The following CTSO variants were observed in gnomAD, a reference collection of about 807,000 sequenced individuals.
CTSO encodes the protein cathepsin O.
Under a neutral mutation model 42.4 loss-of-function variants are expected in CTSO, and 40 were observed. The observed-to-expected ratio is 0.94, with a 90% CI of 0.73 to 1.23. CTSO has a LOEUF of 1.23. CTSO is among the 50% of genes most tolerant of loss of function. The pLI is 0.00. For synonymous variants in CTSO, 156 were observed against 146.2 expected (o/e 1.07, Z -0.48); for missense variants, 441 against 396.0 (o/e 1.11, Z -0.96).
intron 5 of CTSO, among the ~76,000 whole-genome samples, chr4:155,932,515 C>T (rs768867032): frequency 6.6e-6 from 1 of 152,172 alleles, no homozygotes; most frequent in Non-Finnish European, 1.5e-5. Context: ...GCACACTCAC[C>T]CAACTTGCAA....
At chr4:155,928,308 A>G in intron 7 of CTSO, 28 bp downstream of exon 7, 1 of 1,472,022 alleles carries the variant, frequency 6.8e-7, no homozygotes, top group Non-Finnish European at 9.5e-7. Context: ...ATTTATATTG[A>G]GGTTTTAAAC....
intron 5 of CTSO, among the ~76,000 whole-genome samples, chr4:155,931,076 ATT>A (rs1743226473): frequency 6.6e-6 from 1 of 152,172 alleles, no homozygotes; most frequent in African/African-American, 2.4e-5. Context: ...CAAGACATAA[ATT>A]ATGTAGCATG....
rs745839163 is a variant in CTSO at position 155,929,729 on chromosome 4, T to A, written c.675-24A>T. 4.4e-6 allele frequency: 7 copies of A among 1,586,892 alleles called. No homozygotes were observed. In the African/African-American group the frequency reaches 5.4e-5, roughly 12 times the overall value. On this transcript the variant is annotated intron_variant, in intron 5 of 7. Transcript: ENST00000433477. Reference sequence around the variant, plus strand: ...CACTACCAAAAGAGGAAATATTTGGTTAGAAAATTTAGTTTTTAAGGTAAA... The same window carrying A: ...CACTACCAAAAGAGGAAATATTTGGATAGAAAATTTAGTTTTTAAGGTAAA...
intron 4 of CTSO, among the ~76,000 whole-genome samples, chr4:155,938,824 T>A (rs1456207242): frequency 6.6e-6 from 1 of 151,924 alleles, no homozygotes; most frequent in African/African-American, 2.4e-5. Flanking sequence ...AGTGTGGTGG[T>A]GGGCACCTAT....
At chr4:155,932,159 C>T (rs76223435) in intron 5 of CTSO, among the ~76,000 whole-genome samples, 2 of 152,218 alleles carry the variant, frequency 1.3e-5, no homozygotes, top group African/African-American at 2.4e-5. Flanking sequence ...TGGGAATGGT[C>T]ATTTTGCTTT....
intron 1 of CTSO, among the ~76,000 whole-genome samples, chr4:155,953,169 A>T (rs957098336): frequency 1.3e-5 from 2 of 151,972 alleles, no homozygotes; most frequent in African/African-American, 4.8e-5. Context: ...AAGAACTTTT[A>T]AAGTGGTGCG....
At chr4:155,938,708 C>G (rs1021612555) in intron 4 of CTSO, among the ~76,000 whole-genome samples, 2 of 152,096 alleles carry the variant, frequency 1.3e-5, no homozygotes, top group African/African-American at 2.4e-5. Flanking sequence ...GGGTGGATCA[C>G]AAGGTCAGGA....
At chr4:155,936,582 C>A (rs1743335513) in intron 5 of CTSO, among the ~76,000 whole-genome samples, 1 of 152,164 alleles carries the variant, frequency 6.6e-6, no homozygotes. Context: ...GTCCTTTTCA[C>A]CCATGAACAC....
At chr4:155,937,780 AATTTTTTGT>A (rs1214416771) in intron 4 of CTSO, among the ~76,000 whole-genome samples, 1 of 151,824 alleles carries the variant, frequency 6.6e-6, no homozygotes, top group Non-Finnish European at 1.5e-5. Context: ...ACGCCAGGCT[AATTTTTTGT>A]ATTTTTTGTA....
chr4:155,943,437 A>G lies in CTSO; in HGVS notation c.136-173T>C, dbSNP rs543660209. Among the ~76,000 whole-genome samples the G allele has an allele frequency of 2.6e-5, 4 of 152,322 alleles. No individual in the cohort carries two copies. The East Asian group carries it at 7.7e-4, about 29-fold the overall frequency. ...AGGAGATTCATAAATATTTTCTATT[A>G]GAATTATTATCTAATTGCAGACATT... On this transcript the variant is annotated intron_variant, in intron 1 of 7. Transcript: ENST00000433477.
chr4:155,949,993 A>G (rs1743617551), intron 1 of CTSO, among the ~76,000 whole-genome samples: 1 of 74,170 alleles, frequency 1.3e-5, no homozygotes, highest in Non-Finnish European at 3.0e-5. Flanking sequence ...GGATTAGAAC[A>G]ATAAAAGCTT....
intron 5 of CTSO, 117 bp from the exon 6 acceptor site, chr4:155,929,822 A>C: frequency 1.1e-6 from 1 of 909,974 alleles, no homozygotes; most frequent in Non-Finnish European, 1.6e-6. Flanking sequence ...AAAGGACCTA[A>C]ACAATGGAAG....
chr4:155,951,844 TAA>T (rs1442492400), intron 1 of CTSO, among the ~76,000 whole-genome samples: 5 of 152,128 alleles, frequency 3.3e-5, no homozygotes, highest in East Asian at 1.9e-4. Flanking sequence ...CTAATCTAAC[TAA>T]TTCCTGATGA....
At position 155,924,398 on chromosome 4, in the gene CTSO, T is replaced by A. The variant is rs952765472; in HGVS notation, c.*1638A>T. 6.6e-6 allele frequency: 1 copy of A among 152,180 alleles called. No homozygotes were observed. The highest frequency in any genetic ancestry group is 2.4e-5 in the African/African-American group (1 of 41,442). The allele number at this position is 152,180 out of a possible 1,614,324, so 9.4% of individuals were successfully genotyped here. A position where few individuals can be genotyped will look rare whatever the true frequency, so the allele number is the denominator to read the frequency against. On this transcript the variant is annotated 3_prime_UTR_variant, in exon 8 of 8. Coordinates refer to ENST00000433477, the MANE Select transcript of CTSO (RefSeq NM_001334.3). ...ACTCCAAACCTGAGTCAACACACAT[T>A]CTTTTCGGATTGGTTCTGACTGGCG...
intron 5 of CTSO, among the ~76,000 whole-genome samples, chr4:155,933,707 C>T (rs1387688170): frequency 6.6e-6 from 1 of 152,076 alleles, no homozygotes; most frequent in Non-Finnish European, 1.5e-5. Context: ...AAAGGTGACT[C>T]TTGTTATGTT....
chr4:155,928,242 T>C (rs369670192), intron 7 of CTSO, 94 bp downstream of exon 7: 1 of 816,616 alleles, frequency 1.2e-6, no homozygotes. Flanking sequence ...AAATTATTAC[T>C]GCTAAAGTGG....
chr4:155,936,046 T>G (rs1383302661), intron 5 of CTSO, among the ~76,000 whole-genome samples: 2 of 152,190 alleles, frequency 1.3e-5, no homozygotes, highest in Non-Finnish European at 1.5e-5. Context: ...TTTAATGATA[T>G]TTTGTAAATC....
At position 155,929,713 on chromosome 4, in the gene CTSO, A is replaced by G. The variant is rs1390360333; in HGVS notation, c.675-8T>C. The G allele has an allele frequency of 1.2e-6, 2 of 1,601,450 alleles. No homozygotes were observed. The highest frequency in any genetic ancestry group is 8.5e-7 in the Non-Finnish European group (1 of 1,176,116). ...ATTTCATCTTCTTGGTCACTACCAA[A>G]AGAGGAAATATTTGGTTAGAAAATT... is the stretch of plus-strand genomic sequence containing the variant. On this transcript the variant is annotated splice_polypyrimidine_tract_variant and splice_region_variant and intron_variant, in intron 5 of 7. Coordinates refer to ENST00000433477, the MANE Select transcript of CTSO (RefSeq NM_001334.3).
At chr4:155,937,969 T>G (rs1743361529) in intron 4 of CTSO, among the ~76,000 whole-genome samples, 1 of 152,214 alleles carries the variant, frequency 6.6e-6, no homozygotes, top group Non-Finnish European at 1.5e-5. Context: ...TTGTTCTGGA[T>G]AGTCTAGACA....
Sources: allele counts gnomAD v4.1 joint callset (sites outside exome capture counted in the v4.1 genomes callset), GRCh38; gene constraint gnomAD v4.1.1; transcripts MANE v1.5; gene names NCBI Gene and HGNC (gene_info 2026-07-23, HGNC 2026-07-21).